Variants in AAK1 observed in about 807,000 individuals in gnomAD.
The protein encoded by AAK1 is AP2 associated kinase 1.
In AAK1, 37 loss-of-function variants were observed where a neutral mutation model predicts 116.0. That is an observed-to-expected ratio of 0.32 (90% CI 0.25 to 0.42). AAK1 has a LOEUF of 0.42. Among genes scored for constraint, AAK1 ranks in the 10% least tolerant of loss-of-function variants. AAK1 has a pLI of 1.00. For synonymous variants in AAK1, 458 were observed against 439.9 expected, an observed-to-expected ratio of 1.04 and a Z score of -0.51; for missense variants, 919 against 1,170.6, an observed-to-expected ratio of 0.79 and a Z score of 3.14.
chr2:69,549,511 G>T (rs1187862917), intron 3 of AAK1, among the ~76,000 whole-genome samples: 2 of 152,246 alleles, frequency 1.3e-5, no homozygotes, highest in East Asian at 3.9e-4. Flanking sequence ...ACATTTATAT[G>T]CTTTGCTCTG....
chr2:69,490,947 T>C (rs1225213690), intron 17 of AAK1, among the ~76,000 whole-genome samples: 1 of 130,982 alleles, frequency 7.6e-6, no homozygotes, highest in Non-Finnish European at 1.6e-5. Flanking sequence ...ACACACACAC[T>C]TTTTAAGAGA....
intron 14 of AAK1, 92 bp downstream of exon 14, chr2:69,509,139 A>T (rs905196291): frequency 9.4e-7 from 1 of 1,060,752 alleles, no homozygotes; most frequent in Non-Finnish European, 1.4e-6. Flanking sequence ...CATTACACAC[A>T]TCTACACACT....
intron 2 of AAK1, among the ~76,000 whole-genome samples, chr2:69,620,898 A>C (rs1022495337): frequency 1.3e-5 from 2 of 152,242 alleles, no homozygotes; most frequent in Non-Finnish European, 2.9e-5. Context: ...CATGATACTT[A>C]ACTTCCCTAG....
intron 17 of AAK1, among the ~76,000 whole-genome samples, chr2:69,493,145 C>T (rs1293505508): frequency 1.4e-4 from 6 of 42,736 alleles, no homozygotes; most frequent in African/African-American, 3.7e-4. Flanking sequence ...GGCGACAGAG[C>T]GAGACTCCGT....
At chr2:69,500,698 T>TATATATATGTATATATATACACAC in intron 16 of AAK1, among the ~76,000 whole-genome samples, 2 of 65,100 alleles carry the variant, frequency 3.1e-5, no homozygotes, top group African/African-American at 1.6e-4. Flanking sequence ...TATATATATA[T>TATATATATGTATATATATACACAC]ACACACACAC....
At chr2:69,505,458 G>A (rs949015353) in intron 16 of AAK1, 111 bp downstream of exon 16, 22 of 649,778 alleles carry the variant, frequency 3.4e-5, no homozygotes, top group African/African-American at 7.4e-5. Flanking sequence ...ATATATACAC[G>A]GTACTGCCAG....
chr2:69,586,318 G>A (rs1379811124), intron 2 of AAK1, among the ~76,000 whole-genome samples: 2 of 152,144 alleles, frequency 1.3e-5, no homozygotes, highest in African/African-American at 4.8e-5. Flanking sequence ...TGAATACCAG[G>A]CTGGTAATGA....
chr2:69,628,089 C>T (rs1017954705), intron 2 of AAK1, among the ~76,000 whole-genome samples: 5 of 152,132 alleles, frequency 3.3e-5, no homozygotes, highest in Non-Finnish European at 7.3e-5. Flanking sequence ...TCTTTCACCT[C>T]CAGTAAGAAT....
chr2:69,640,037 ACACACACACACACACACTCT>A (rs1675635989), intron 2 of AAK1, among the ~76,000 whole-genome samples: 1 of 142,938 alleles, frequency 7.0e-6, no homozygotes, highest in Non-Finnish European at 1.5e-5. Flanking sequence ...ACACACACAC[ACACACACACACACACACTCT>A]CTCTCTCTCT....
chr2:69,467,346 G>T lies in AAK1; in HGVS notation c.*8523C>A. The T allele has an allele frequency of 4.1e-6, 4 of 985,386 alleles. No homozygotes were observed. Among genetic ancestry groups the T allele is most frequent in the Non-Finnish European group, 4.8e-6 (4 of 829,922 alleles). The allele number at this position is 985,386 out of a possible 1,614,324, so 61.0% of individuals were successfully genotyped here. ...AATATACTAGTCTATTTCTATCTAG[G>T]TAGAGGTGCCTCAGGGTGCTCTGGC... On this transcript the variant is annotated 3_prime_UTR_variant, in exon 22 of 22. Transcript: ENST00000409085.
intron 4 of AAK1, among the ~76,000 whole-genome samples, chr2:69,544,058 G>C (rs185382536): frequency 2.0e-5 from 3 of 152,318 alleles, no homozygotes; most frequent in Admixed American, 2.0e-4. Flanking sequence ...GAGTGGGAAA[G>C]AGAACACACA....
At chr2:69,511,914 G>A (rs1428484800) in intron 13 of AAK1, among the ~76,000 whole-genome samples, 1 of 152,096 alleles carries the variant, frequency 6.6e-6, no homozygotes, top group Non-Finnish European at 1.5e-5. Context: ...GTTCAGCTAC[G>A]CCTCCCAGCA....
At chr2:69,596,925 G>A (rs577418885) in intron 2 of AAK1, among the ~76,000 whole-genome samples, 8 of 152,274 alleles carry the variant, frequency 5.3e-5, no homozygotes, top group African/African-American at 1.9e-4. Context: ...ATGGTGGTGG[G>A]GGAGTAGAAG....
intron 8 of AAK1, among the ~76,000 whole-genome samples, chr2:69,529,380 G>A (rs528604023): frequency 6.6e-6 from 1 of 151,794 alleles, no homozygotes; most frequent in South Asian, 2.1e-4. Flanking sequence ...TTAGTATAGG[G>A]GCTTTGTGCA....
At chr2:69,495,937 G>A (rs1385614778) in intron 17 of AAK1, 48 bp downstream of exon 17, 8 of 1,469,018 alleles carry the variant, frequency 5.4e-6, no homozygotes, top group Admixed American at 4.1e-5. Context: ...CAAGGCCTGG[G>A]ACATGCAAAT....
At chr2:69,563,920 G>A (rs1395106079) in intron 2 of AAK1, among the ~76,000 whole-genome samples, 7 of 152,124 alleles carry the variant, frequency 4.6e-5, no homozygotes, top group South Asian at 4.1e-4. Flanking sequence ...TAGGCCAGGC[G>A]CGGTGGCTCA....
chr2:69,507,655 T>C, intron 14 of AAK1, 77 bp from the exon 15 acceptor site: 1 of 1,319,424 alleles, frequency 7.6e-7, no homozygotes, highest in Non-Finnish European at 1.0e-6. Flanking sequence ...TTATTTTCTC[T>C]GTTTCAGAAT....
intron 17 of AAK1, among the ~76,000 whole-genome samples, chr2:69,495,587 C>T (rs1675705693): frequency 6.6e-6 from 1 of 152,152 alleles, no homozygotes; most frequent in Admixed American, 6.5e-5. Context: ...CACCCACAAT[C>T]CCATGATCAC....
chr2:69,610,638 T>C (rs887488070), intron 2 of AAK1, among the ~76,000 whole-genome samples: 1 of 152,156 alleles, frequency 6.6e-6, no homozygotes, highest in East Asian at 1.9e-4. Flanking sequence ...CCAGAAAATA[T>C]TAAAAATTCC....
Sources: allele counts gnomAD v4.1 joint callset (sites outside exome capture counted in the v4.1 genomes callset), GRCh38; gene constraint gnomAD v4.1.1; transcripts MANE v1.5; gene names NCBI Gene and HGNC (gene_info 2026-07-23, HGNC 2026-07-21).